CLDN10: variants seen among roughly 807,000 people sequenced by gnomAD.
CLDN10 encodes claudin-10.
Under a neutral mutation model 22.9 loss-of-function variants are expected in CLDN10, and 15 were observed. The ratio of observed to expected loss-of-function variants is 0.65; its 90% confidence interval spans 0.44 to 1.01. The LOEUF is 1.01. Ranked by LOEUF, CLDN10 falls within the 50% of genes least tolerant of loss-of-function variation. The pLI is 0.00. For synonymous variants in CLDN10, 114 were observed against 111.4 expected (o/e 1.02, Z -0.15); for missense variants, 247 against 287.8 (o/e 0.86, Z 1.03).
intron 1 of CLDN10, among the ~76,000 whole-genome samples, chr13:95,507,751 G>A (rs1181989113): frequency 1.3e-5 from 2 of 151,954 alleles, no homozygotes; most frequent in African/African-American, 2.4e-5. Context: ...AGCCTCCTGA[G>A]TAGCTGGGAT....
intron 3 of CLDN10, chr13:95,560,871 G>C (rs954266674): frequency 1.8e-4 from 33 of 178,722 alleles, no homozygotes; most frequent in Non-Finnish European, 3.8e-4. Flanking sequence ...CTAGTTTCTG[G>C]GTCTTTTAAA....
intron 3 of CLDN10, among the ~76,000 whole-genome samples, chr13:95,566,429 A>C (rs1466368420): frequency 6.6e-6 from 1 of 152,182 alleles, no homozygotes; most frequent in Non-Finnish European, 1.5e-5. Context: ...TCTTCTTTTG[A>C]GAAGTGTCTG....
chr13:95,564,548 A>T (rs567014223), intron 3 of CLDN10, among the ~76,000 whole-genome samples: 1 of 152,304 alleles, frequency 6.6e-6, no homozygotes, highest in South Asian at 2.1e-4. Context: ...ACCTCAGAGC[A>T]TGGTTTTGTT....
chr13:95,538,740 C>T (rs968944153), intron 1 of CLDN10, among the ~76,000 whole-genome samples: 1 of 152,202 alleles, frequency 6.6e-6, no homozygotes, highest in Non-Finnish European at 1.5e-5. Context: ...TCTTCCTCTG[C>T]CTATTGCTAT....
At chr13:95,513,457 A>G (rs897192822) in intron 1 of CLDN10, among the ~76,000 whole-genome samples, 1 of 152,212 alleles carries the variant, frequency 6.6e-6, no homozygotes, top group Non-Finnish European at 1.5e-5. Flanking sequence ...AATTCCTTCC[A>G]TGTCATATTG....
At chr13:95,553,046 C>T in intron 1 of CLDN10, 73 bp downstream of exon 1, 4 of 1,560,452 alleles carry the variant, frequency 2.6e-6, no homozygotes, top group Non-Finnish European at 3.5e-6. Flanking sequence ...CCTCTCGCCC[C>T]CAATACCCCC....
At chr13:95,475,007 G>T (rs2042672031) in intron 1 of CLDN10, among the ~76,000 whole-genome samples, 1 of 152,184 alleles carries the variant, frequency 6.6e-6, no homozygotes, top group South Asian at 2.1e-4. Context: ...TTCAAAACTT[G>T]CAGGTCTCTT....
intron 3 of CLDN10, among the ~76,000 whole-genome samples, chr13:95,576,066 C>T (rs1045331674): frequency 7.2e-5 from 11 of 152,158 alleles, no homozygotes; most frequent in African/African-American, 2.7e-4. Context: ...TGCCCATGTG[C>T]AGAGCCAGAG....
At chr13:95,434,538 C>CAT (rs55732645) in intron 1 of CLDN10, among the ~76,000 whole-genome samples, 78,277 of 148,816 alleles carry the variant, frequency 0.53, 21,691 homozygotes, top group African/African-American at 0.69. Context: ...TATATGCACA[C>CAT]GTGTGTATAT....
intron 1 of CLDN10, among the ~76,000 whole-genome samples, chr13:95,523,694 A>G (rs1394709214): frequency 3.3e-5 from 5 of 152,216 alleles, no homozygotes; most frequent in Admixed American, 3.3e-4. Context: ...CTCCTGCCTC[A>G]GCCTCCTGAG....
chr13:95,472,669 C>CAAAAA (rs35872345), intron 1 of CLDN10, among the ~76,000 whole-genome samples: 8 of 106,268 alleles, frequency 7.5e-5, no homozygotes, highest in Middle Eastern at 5.7e-3. Context: ...GACTCCGTCT[C>CAAAAA]AAAAAAAAAA....
chr13:95,550,735 AG>A (rs2043554536), upstream of CLDN10, among the ~76,000 whole-genome samples: 1 of 152,166 alleles, frequency 6.6e-6, no homozygotes, highest in African/African-American at 2.4e-5. Flanking sequence ...GCCATACAAA[AG>A]AATAGAGGAT....
intron 3 of CLDN10, among the ~76,000 whole-genome samples, chr13:95,574,062 A>G (rs1440201464): frequency 6.6e-6 from 1 of 152,040 alleles, no homozygotes; most frequent in African/African-American, 2.4e-5. Context: ...ATACTTTTTT[A>G]TGGCTGTATA....
chr13:95,534,638 A>G (rs558000912), intron 1 of CLDN10, among the ~76,000 whole-genome samples: 1 of 152,344 alleles, frequency 6.6e-6, no homozygotes, highest in Non-Finnish European at 1.5e-5. Context: ...AACTACTACT[A>G]GTAGGAGTAT....
rs2043688847 is a variant in CLDN10 at position 95,560,191 on chromosome 13, TC to T, written c.282del (p.Ile95TyrfsTer7). 2 of 1,614,062 alleles carry T rather than the reference TC, an allele frequency of 1.2e-6. No homozygotes were observed. Among genetic ancestry groups the T allele is most frequent in the Non-Finnish European group, 1.7e-6 (2 of 1,180,006 alleles). ...TGCTGTCAGCCTGGGCTTCTTTGGT[TC>T]CATATTTGCGCTCTTTGGAATGAAG... is the stretch of plus-strand genomic sequence containing the variant. Reference protein sequence around the residue: ...IAAVSLGFFGSIFALFGMKCT... With the variant: ...IAAVSLGFFGXIFALFGMKCT... On this transcript the variant is annotated frameshift_variant, in exon 2 of 5. Coordinates refer to ENST00000299339, the MANE Select transcript of CLDN10 (RefSeq NM_006984.5). LOFTEE classifies it high-confidence loss of function.
intron 1 of CLDN10, among the ~76,000 whole-genome samples, chr13:95,516,366 C>A (rs1332222261): frequency 6.6e-6 from 1 of 152,074 alleles, no homozygotes; most frequent in African/African-American, 2.4e-5. Context: ...AAGCTCATAG[C>A]TTGAGGCAGA....
At chr13:95,509,746 A>C (rs1423003716) in intron 1 of CLDN10, among the ~76,000 whole-genome samples, 3 of 151,694 alleles carry the variant, frequency 2.0e-5, no homozygotes, top group African/African-American at 7.3e-5. Context: ...TAGGTGACTC[A>C]CTCGCTCTTC....
At chr13:95,442,978 G>T (rs1452378436) in intron 1 of CLDN10, among the ~76,000 whole-genome samples, 1 of 152,178 alleles carries the variant, frequency 6.6e-6, no homozygotes, top group Non-Finnish European at 1.5e-5. Flanking sequence ...GTAGCATAAG[G>T]TCACTGGTTT....
chr13:95,517,933 C>CAAAAA (rs35780641), intron 1 of CLDN10, among the ~76,000 whole-genome samples: 10 of 94,070 alleles, frequency 1.1e-4, no homozygotes, highest in African/African-American at 2.3e-4. Flanking sequence ...AACTCCACCT[C>CAAAAA]AAAAAAAAAA....
Sources: gnomAD v4.1 joint callset for allele counts (sites outside exome capture counted in the v4.1 genomes callset) on GRCh38, gnomAD v4.1.1 for gene constraint, MANE v1.5 for transcripts, NCBI Gene and HGNC (gene_info 2026-07-23, HGNC 2026-07-21) for gene names.